The following BTRC variants were observed in gnomAD, a reference collection of about 807,000 sequenced individuals.
BTRC encodes the protein beta-transducin repeat containing E3 ubiquitin protein ligase.
BTRC carries 42 observed loss-of-function variants against 85.5 expected under a neutral mutation model. The observed-to-expected ratio is 0.49, with a 90% CI of 0.38 to 0.64. The LOEUF (loss-of-function observed/expected upper bound fraction) is 0.64. Ranked by LOEUF, BTRC falls within the 30% of genes least tolerant of loss-of-function variation. The probability of loss-of-function intolerance (pLI) is 0.00; values close to 1 mark genes in which losing one functional copy is unlikely to be tolerated. For synonymous variants in BTRC, 255 were observed against 263.3 expected, an observed-to-expected ratio of 0.97 and a Z score of 0.30; for missense variants, 594 against 743.5, an observed-to-expected ratio of 0.80 and a Z score of 2.34.
At chr10:101,508,680 C>T (rs953311730) in intron 4 of BTRC, among the ~76,000 whole-genome samples, 3 of 151,930 alleles carry the variant, frequency 2.0e-5, no homozygotes, top group Non-Finnish European at 2.9e-5. Context: ...TTTGGGAGGC[C>T]GAGGCGGGCA....
intron 1 of BTRC, among the ~76,000 whole-genome samples, chr10:101,395,912 T>C (rs1257416850): frequency 6.6e-6 from 1 of 152,150 alleles, no homozygotes; most frequent in Non-Finnish European, 1.5e-5. Context: ...CCATGTTTTG[T>C]TTGTAAGCGA....
intron 1 of BTRC, among the ~76,000 whole-genome samples, chr10:101,377,406 A>G (rs1222588568): frequency 6.6e-6 from 1 of 152,212 alleles, no homozygotes; most frequent in Non-Finnish European, 1.5e-5. Flanking sequence ...CTAAATACCC[A>G]TGAGGGAGAA....
Position 101,526,029 on chromosome 10 carries a change from T to C in BTRC, c.573T>C (p.His191=). 1 of 1,614,132 alleles carries C rather than the reference T, an allele frequency of 6.2e-7. No individual in the cohort carries two copies. The highest frequency in any genetic ancestry group is 8.5e-7 in the Non-Finnish European group (1 of 1,179,980). ...ITALPARGLD[H]IAENILSYLD... is the part of the protein sequence containing the mutation. ...TACTGAAAGCTCGGGGATTGGATCATATTGCTGAGAACATTCTGTCATACC... is the reference window on the plus strand; with the variant it reads ...TACTGAAAGCTCGGGGATTGGATCACATTGCTGAGAACATTCTGTCATACC... The change falls in exon 6 of 15, where the codon CAT becomes CAC. Residue 191 remains histidine, a synonymous_variant. Transcript: ENST00000370187.
At chr10:101,471,965 C>T (rs1310541052) in intron 3 of BTRC, among the ~76,000 whole-genome samples, 3 of 152,154 alleles carry the variant, frequency 2.0e-5, no homozygotes, top group African/African-American at 7.2e-5. Context: ...CTTCCATGCC[C>T]CCTTTGACGT....
rs114090045 is a variant in BTRC at position 101,419,430 on chromosome 10, A to G, written c.49-10915A>G. 9.3e-3 allele frequency among the ~76,000 whole-genome samples: 1,409 copies of G among 152,128 alleles called. 24 individuals are homozygous for G. Among genetic ancestry groups the G allele is most frequent in the African/African-American group, 0.033 (1,360 of 41,478 alleles). On this transcript the variant is annotated intron_variant, in intron 1 of 14. Coordinates refer to ENST00000370187, the MANE Select transcript of BTRC (RefSeq NM_033637.4). ...TGTCTAGGGCTGAGGTCTCATTTGAAGGTTTTATTTCGAGAAAAAGCCACT... is the reference window on the plus strand; with the variant it reads ...TGTCTAGGGCTGAGGTCTCATTTGAGGGTTTTATTTCGAGAAAAAGCCACT...
intron 2 of BTRC, among the ~76,000 whole-genome samples, chr10:101,431,070 CTTTTTTT>C (rs748703752): frequency 9.8e-5 from 7 of 71,292 alleles, no homozygotes; most frequent in East Asian, 4.0e-4. Context: ...CTCAGCCTTT[CTTTTTTT>C]TTTTTTTTTT....
At chr10:101,413,816 G>GT (rs1943850289) in intron 1 of BTRC, among the ~76,000 whole-genome samples, 1 of 151,842 alleles carries the variant, frequency 6.6e-6, no homozygotes, top group Non-Finnish European at 1.5e-5. Flanking sequence ...CAACTTTCGT[G>GT]TTTTTTTATA....
At chr10:101,386,757 T>A (rs1172286833) in intron 1 of BTRC, among the ~76,000 whole-genome samples, 1 of 152,180 alleles carries the variant, frequency 6.6e-6, no homozygotes, top group Non-Finnish European at 1.5e-5. Flanking sequence ...TTGTTTTGTT[T>A]GTGGTTTAGC....
At chr10:101,385,348 C>G (rs539280332) in intron 1 of BTRC, among the ~76,000 whole-genome samples, 89 of 115,594 alleles carry the variant, frequency 7.7e-4, no homozygotes, top group African/African-American at 2.7e-3. Flanking sequence ...GCCTAGGTGA[C>G]AGAACGAGAC....
chr10:101,402,105 AT>A (rs1445907646), intron 1 of BTRC, among the ~76,000 whole-genome samples: 1 of 152,154 alleles, frequency 6.6e-6, no homozygotes, highest in Admixed American at 6.6e-5. Flanking sequence ...TCTCTGGTAA[AT>A]TCATAATTAG....
chr10:101,539,092 C>T (rs1490558920), intron 13 of BTRC, among the ~76,000 whole-genome samples: 1 of 151,886 alleles, frequency 6.6e-6, no homozygotes. Flanking sequence ...ATGAATCCCC[C>T]TGGTCAACCC....
intron 13 of BTRC, among the ~76,000 whole-genome samples, chr10:101,542,582 T>G (rs1261888769): frequency 6.6e-6 from 1 of 152,194 alleles, no homozygotes; most frequent in African/African-American, 2.4e-5. Context: ...GCTTCGTGGT[T>G]TTTGTTTGAG....
Position 101,372,265 on chromosome 10 carries a change from T to C in BTRC, c.48+18037T>C, listed in dbSNP as rs559716121. Reference sequence around the variant, plus strand: ...CGTTTTCTTTTTCTTTTTCTTTTTCTTTTTTTTTTTAAATGGAGTTTCGCT... The same window carrying C: ...CGTTTTCTTTTTCTTTTTCTTTTTCCTTTTTTTTTTAAATGGAGTTTCGCT... On this transcript the variant is annotated intron_variant, in intron 1 of 14. Transcript: ENST00000370187. Among the ~76,000 whole-genome samples the C allele has an allele frequency of 4.8e-5, 7 of 145,414 alleles. No homozygotes were observed. In the East Asian group the frequency reaches 1.2e-3, roughly 25 times the overall value.
chr10:101,368,896 G>A (rs1942553857), intron 1 of BTRC, among the ~76,000 whole-genome samples: 1 of 152,074 alleles, frequency 6.6e-6, no homozygotes, highest in African/African-American at 2.4e-5. Context: ...GCGGGCACCT[G>A]TAATCCCAGC....
intron 1 of BTRC, among the ~76,000 whole-genome samples, chr10:101,375,883 A>G (rs1173897368): frequency 6.6e-6 from 1 of 152,222 alleles, no homozygotes; most frequent in Non-Finnish European, 1.5e-5. Context: ...TCTCAGGATC[A>G]TGCTTTGACA....
At chr10:101,532,461 G>A (rs747086811) in intron 8 of BTRC, 29 bp downstream of exon 8, 3 of 1,584,154 alleles carry the variant, frequency 1.9e-6, no homozygotes, top group East Asian at 4.5e-5. Flanking sequence ...TAGAAAGGTA[G>A]CAGAGGGAGC....
At chr10:101,383,352 G>T (rs1942985999) in intron 1 of BTRC, among the ~76,000 whole-genome samples, 1 of 150,134 alleles carries the variant, frequency 6.7e-6, no homozygotes, top group African/African-American at 2.4e-5. Context: ...CTGGTTCTGG[G>T]ACTACACTTT....
chr10:101,478,068 G>A (rs2134220323), intron 3 of BTRC, among the ~76,000 whole-genome samples: 1 of 152,226 alleles, frequency 6.6e-6, no homozygotes, highest in East Asian at 1.9e-4. Flanking sequence ...GGGAGGCCGA[G>A]GCGGGTGGGT....
At chr10:101,466,916 G>A (rs927688364) in intron 3 of BTRC, among the ~76,000 whole-genome samples, 13 of 152,134 alleles carry the variant, frequency 8.5e-5, no homozygotes, top group Non-Finnish European at 1.5e-4. Context: ...CAGCAGTGAA[G>A]AACTTAAATC....
Sources: gnomAD v4.1 joint callset for allele counts (sites outside exome capture counted in the v4.1 genomes callset) on GRCh38, gnomAD v4.1.1 for gene constraint, MANE v1.5 for transcripts, NCBI Gene and HGNC (gene_info 2026-07-23, HGNC 2026-07-21) for gene names.